The following KIRREL1 variants were observed in gnomAD, a reference collection of about 807,000 sequenced individuals.
KIRREL1 encodes the protein kin of IRRE-like protein 1.
A neutral mutation model predicts 83.3 loss-of-function variants in KIRREL1; 25 were observed. The observed-to-expected ratio is 0.30, with a 90% confidence interval of 0.22 to 0.42. KIRREL1 has a LOEUF of 0.42. KIRREL1 is among the 10% of genes least tolerant of loss of function. KIRREL1 has a pLI of 1.00. For synonymous variants in KIRREL1, 388 were observed against 410.4 expected, an observed-to-expected ratio of 0.95 and a Z score of 0.66; for missense variants, 812 against 1,032.3, an observed-to-expected ratio of 0.79 and a Z score of 2.92.
chr1:158,052,400 A>C (rs1660930640), intron 1 of KIRREL1, among the ~76,000 whole-genome samples: 1 of 152,136 alleles, frequency 6.6e-6, no homozygotes, highest in Non-Finnish European at 1.5e-5. Flanking sequence ...CTGACCACCA[A>C]GCTTCCTTAC....
intron 1 of KIRREL1, among the ~76,000 whole-genome samples, chr1:158,052,150 T>G (rs967269753): frequency 1.6e-4 from 25 of 152,268 alleles, no homozygotes; most frequent in African/African-American, 6.0e-4. Context: ...GGCCCCAACC[T>G]ACCTCCCTTA....
chr1:158,094,519 A>T lies in KIRREL1; in HGVS notation c.1798-125A>T. 7.9e-7 allele frequency: 1 copy of T among 1,259,440 alleles called. No homozygotes were observed. The highest frequency in any genetic ancestry group is 1.2e-6 in the Non-Finnish European group (1 of 862,314). The allele number at this position is 1,259,440 out of a possible 1,614,324, so 78.0% of individuals were successfully genotyped here. On this transcript the variant is annotated intron_variant, in intron 14 of 14. Coordinates refer to ENST00000359209, the MANE Select transcript of KIRREL1 (RefSeq NM_018240.7). This position sits in a 1 kb window ranked among gnomAD's most constrained non-coding sequence, Gnocchi z 4.6. The stretch of plus-strand genomic sequence containing the variant: ...GTTGGGAGGGTTTTTGAAGGAGCAG[A>T]GGAGGTGGAATGCTAGATGGGGACA...
chr1:158,015,101 A>G (rs1659793829), intron 1 of KIRREL1, among the ~76,000 whole-genome samples: 1 of 152,160 alleles, frequency 6.6e-6, no homozygotes, highest in Admixed American at 6.5e-5. Context: ...AATGAGTTTC[A>G]TAAAGTCACC....
intron 1 of KIRREL1, among the ~76,000 whole-genome samples, chr1:158,007,264 GA>G (rs1288560380): frequency 6.6e-6 from 1 of 152,188 alleles, no homozygotes; most frequent in Non-Finnish European, 1.5e-5. Context: ...GAAGAAGATA[GA>G]AAGAGACACT....
intron 1 of KIRREL1, among the ~76,000 whole-genome samples, chr1:158,016,204 C>T (rs1326830098): frequency 1.3e-5 from 2 of 151,320 alleles, no homozygotes. Flanking sequence ...CTCAGGAGGC[C>T]GAGGGAGGAG....
At chr1:158,031,062 C>T (rs1660308429) in intron 1 of KIRREL1, 1 of 152,182 alleles carries the variant, frequency 6.6e-6, no homozygotes, top group South Asian at 2.1e-4. Context: ...CTCCCCTGTT[C>T]ATTAATGATT....
chr1:158,043,074 C>A (rs1283133586), intron 1 of KIRREL1, among the ~76,000 whole-genome samples: 1 of 130,948 alleles, frequency 7.6e-6, no homozygotes, highest in Non-Finnish European at 1.6e-5. Context: ...GGCAACAGAG[C>A]GAGACTCCAT....
chr1:158,038,194 C>T (rs1660526597), intron 1 of KIRREL1, among the ~76,000 whole-genome samples: 2 of 152,218 alleles, frequency 1.3e-5, no homozygotes, highest in African/African-American at 4.8e-5. Context: ...CATGTGTGAG[C>T]TGAGTCCTGT....
chr1:158,064,663 C>T (rs538321277), intron 1 of KIRREL1, among the ~76,000 whole-genome samples: 3 of 152,246 alleles, frequency 2.0e-5, no homozygotes, highest in African/African-American at 7.2e-5. Flanking sequence ...TTGGGATCTA[C>T]AACTGTTAAT....
At chr1:158,004,079 G>C (rs1362152327) in intron 1 of KIRREL1, among the ~76,000 whole-genome samples, 1 of 152,144 alleles carries the variant, frequency 6.6e-6, no homozygotes, top group African/African-American at 2.4e-5. Flanking sequence ...TTTCTCAGAG[G>C]GGCTGCTTCT....
chr1:158,073,949 C>T (rs1231441246), intron 1 of KIRREL1, among the ~76,000 whole-genome samples: 1 of 152,180 alleles, frequency 6.6e-6, no homozygotes, highest in Non-Finnish European at 1.5e-5. Flanking sequence ...GGCTCACCAG[C>T]AAGCCCACTC....
At chr1:158,006,133 G>C (rs1416068678) in intron 1 of KIRREL1, among the ~76,000 whole-genome samples, 2 of 152,238 alleles carry the variant, frequency 1.3e-5, no homozygotes, top group African/African-American at 4.8e-5. Flanking sequence ...GGTGAGAAAT[G>C]AAAGTGGAGT....
At chr1:158,028,277 T>G (rs1408479049) in intron 1 of KIRREL1, among the ~76,000 whole-genome samples, 1 of 152,206 alleles carries the variant, frequency 6.6e-6, no homozygotes. Context: ...GTCCTCAGGG[T>G]GTACCTTTGC....
chr1:158,020,488 A>G (rs546064304), intron 1 of KIRREL1, among the ~76,000 whole-genome samples: 1 of 151,838 alleles, frequency 6.6e-6, no homozygotes, highest in Non-Finnish European at 1.5e-5. Context: ...AAGCTCCTGC[A>G]CTAGACTATA....
chr1:157,994,861 C>T (rs1410103774), intron 1 of KIRREL1, among the ~76,000 whole-genome samples: 1 of 152,300 alleles, frequency 6.6e-6, no homozygotes, highest in East Asian at 1.9e-4. Context: ...CTGAGGAAGA[C>T]AGATTCCTCC....
intron 1 of KIRREL1, among the ~76,000 whole-genome samples, chr1:158,014,740 G>A (rs1659781003): frequency 6.6e-6 from 1 of 151,092 alleles, no homozygotes; most frequent in South Asian, 2.1e-4. Context: ...ACTTCTTGAC[G>A]CTGAATTGCT....
In KIRREL1 at chr1:158,083,917, C is replaced by G. The variant is rs145789352; in HGVS notation, c.353-505C>G. On this transcript the variant is annotated intron_variant, in intron 3 of 14. Coordinates refer to ENST00000359209, the MANE Select transcript of KIRREL1 (RefSeq NM_018240.7). ...GAGGCAGGTGGATCACCTGAGAGGT[C>G]AGGAGTTCGAGACCAGTCTGGCCAA... 7.9e-3 allele frequency among the ~76,000 whole-genome samples: 1,206 copies of G among 152,142 alleles called. 14 individuals are homozygous for G. Among genetic ancestry groups the G allele is most frequent in the African/African-American group, 0.028 (1,160 of 41,498 alleles).
Position 158,098,627 on chromosome 1 carries a change from C to T in KIRREL1, c.*3507C>T, listed in dbSNP as rs1437662808. ...GGTCACTTCCCTCGTGAAGGACCCG[C>T]CCTATATCCTAAATTCTGGATCCCT... On this transcript the variant is annotated 3_prime_UTR_variant, in exon 15 of 15. Transcript: ENST00000359209. 1 of 152,198 alleles carries T rather than the reference C, an allele frequency of 6.6e-6. No homozygotes were observed. Among genetic ancestry groups the T allele is most frequent in the African/African-American group, 2.4e-5 (1 of 41,440 alleles). 9.4% of individuals were successfully genotyped at this position (152,198 alleles called of 1,614,324 possible).
At chr1:158,012,245 T>G (rs73018969) in intron 1 of KIRREL1, among the ~76,000 whole-genome samples, 5,932 of 152,214 alleles carry the variant, frequency 0.039, 125 homozygotes, top group Non-Finnish European at 0.052. Flanking sequence ...CTTGGTTTAT[T>G]CAGTAGTAAA....
Sources: allele counts gnomAD v4.1 joint callset (sites outside exome capture counted in the v4.1 genomes callset), GRCh38; gene constraint gnomAD v4.1.1; non-coding constraint Gnocchi (gnomAD v3.1); transcripts MANE v1.5; gene names NCBI Gene and HGNC (gene_info 2026-07-23, HGNC 2026-07-21).